The following MYO1C variants were observed in gnomAD, a reference collection of about 807,000 sequenced individuals.
MYO1C encodes the protein unconventional myosin-Ic.
In MYO1C, 104 loss-of-function variants were observed where a neutral mutation model predicts 150.8. The ratio of observed to expected loss-of-function variants is 0.69; its 90% CI spans 0.59 to 0.81. MYO1C has a LOEUF of 0.81. Ranked by LOEUF, MYO1C falls within the 30% of genes least tolerant of loss-of-function variation. The probability of loss-of-function intolerance (pLI) is 0.00; values close to 1 mark genes in which losing one functional copy is unlikely to be tolerated. For synonymous variants in MYO1C, 663 were observed against 579.9 expected (o/e 1.14, Z -2.06); for missense variants, 1,504 against 1,435.0 (o/e 1.05, Z -0.78).
chr17:1,477,063 T>G (rs564820435), intron 14 of MYO1C, among the ~76,000 whole-genome samples: 1 of 152,032 alleles, frequency 6.6e-6, no homozygotes, highest in African/African-American at 2.4e-5. Flanking sequence ...CGTTTTGAAC[T>G]CCTAACCTAA....
In MYO1C at chr17:1,478,587, C is replaced by G; in HGVS notation, c.1212+29G>C. On this transcript the variant is annotated intron_variant, in intron 10 of 31. Transcript: ENST00000648651. The surrounding 1 kb of genome is among the most constrained non-coding windows in gnomAD (Gnocchi z 6.3). ...CCTCGCCGACGGCCCTCCCTTCTGC[C>G]TTGGGAGCAGTGTGGACCGAGCCCT... The G allele has an allele frequency of 6.2e-7, 1 of 1,614,016 alleles. No individual in the cohort carries two copies. Among genetic ancestry groups the G allele is most frequent in the East Asian group, 2.2e-5 (1 of 44,878 alleles).
chr17:1,480,462 CA>C lies in MYO1C; in HGVS notation c.906+64del, dbSNP rs534880243. ...AAACTCCGTCTCAAAAAATAAAAAA[CA>C]AAAAAAAAAGGAGATTTTGGGGGTG... On this transcript the variant is annotated intron_variant, in intron 7 of 31. Coordinates refer to ENST00000648651, the MANE Select transcript of MYO1C (RefSeq NM_001080779.2). 7.2e-3 allele frequency: 8,711 copies of C among 1,203,416 alleles called. 17 individuals carry two copies. The highest frequency in any genetic ancestry group is 0.039 in the Middle Eastern group (184 of 4,712). 74.5% of individuals were successfully genotyped at this position (1,203,416 alleles called of 1,614,324 possible). A position where few individuals can be genotyped will look rare whatever the true frequency, so the allele number is the denominator to read the frequency against.
chr17:1,467,788 C>T, intron 29 of MYO1C, 52 bp downstream of exon 29: 1 of 678,008 alleles, frequency 1.5e-6, no homozygotes, highest in Non-Finnish European at 2.6e-6. Flanking sequence ...ACCCCACCTC[C>T]CCATCTACCT....
chr17:1,474,640 G>A lies in MYO1C; in HGVS notation c.1767C>T (p.Ser589=), dbSNP rs200937421. ...CTGGCCGCTTCTTGTCACTGAGCTC[G>A]CTCCGGTCAAAGCACTGGCTCATAA... The part of the protein sequence containing the change: ...NPIMSQCFDR[S]ELSDKKRPET... The change falls in exon 17 of 32, where the codon AGC becomes AGT. Residue 589 remains serine, a synonymous_variant. Transcript: ENST00000648651. 44 of 1,613,930 alleles carry A rather than the reference G, an allele frequency of 2.7e-5. No individual in the cohort carries two copies. In the East Asian group the frequency reaches 6.0e-4, roughly 22 times the overall value.
At chr17:1,491,654 G>A (rs1438351660) in intron 1 of MYO1C, 2 of 980,678 alleles carry the variant, frequency 2.0e-6, no homozygotes, top group Non-Finnish European at 2.4e-6. Flanking sequence ...GGCGGGCTTG[G>A]GGATCCGCGG....
In MYO1C at chr17:1,480,632, G is replaced by A. The variant is rs2074501111; in HGVS notation, c.808-7C>T. The A allele has an allele frequency of 6.2e-7, 1 of 1,613,786 alleles. No homozygotes were observed. The highest frequency in any genetic ancestry group is 1.7e-5 in the Admixed American group (1 of 59,990). ...AGACTTTGGCACACTGGCCCTGGAG[G>A]AAGGGCACAGCTGGGTTGCCAGCCC... On this transcript the variant is annotated splice_polypyrimidine_tract_variant and splice_region_variant and intron_variant, in intron 6 of 31. Transcript: ENST00000648651.
intron 24 of MYO1C, 62 bp from the exon 25 acceptor site, chr17:1,469,676 G>C (rs7502466): frequency 1.5e-6 from 2 of 1,324,264 alleles, no homozygotes; most frequent in Admixed American, 1.9e-5. Flanking sequence ...TGAAGACATC[G>C]AACATATGCT....
At chr17:1,482,695 CTT>C (rs2074550647) in intron 4 of MYO1C, 137 bp from the exon 5 acceptor site, 1 of 408,970 alleles carries the variant, frequency 2.4e-6, no homozygotes, top group East Asian at 9.6e-5. Flanking sequence ...CCGCACTGGG[CTT>C]CTCTCCCTGC....
In MYO1C at chr17:1,478,499, C is replaced by A. The variant is rs1053403226; in HGVS notation, c.1213-7G>T. On this transcript the variant is annotated splice_region_variant and splice_polypyrimidine_tract_variant and intron_variant, in intron 10 of 31. Coordinates refer to ENST00000648651, the MANE Select transcript of MYO1C (RefSeq NM_001080779.2). The surrounding 1 kb of genome is among the most constrained non-coding windows in gnomAD (Gnocchi z 6.3). ...AGCTGGGGCTCTCCACGTCCTAGGG[C>A]AGTCATTCAACCGAAGGCGTGGGCC... 5 of 1,614,126 alleles carry A rather than the reference C, an allele frequency of 3.1e-6. No individual in the cohort carries two copies. The highest frequency in any genetic ancestry group is 4.2e-6 in the Non-Finnish European group (5 of 1,180,026).
rs781691128 is a variant in MYO1C at position 1,482,578 on chromosome 17, T to A, written c.547-20A>T. On this transcript the variant is annotated intron_variant, in intron 4 of 31. Coordinates refer to ENST00000648651, the MANE Select transcript of MYO1C (RefSeq NM_001080779.2). ...AAAGGCCTAGGAGTGGACAGGGGTA[T>A]GAGGGACACCTGGCACTCTCCCCCT... is the stretch of plus-strand genomic sequence containing the variant. The A allele has an allele frequency of 6.2e-7, 1 of 1,606,608 alleles. No individual in the cohort carries two copies. Among genetic ancestry groups the A allele is most frequent in the East Asian group, 2.2e-5 (1 of 44,818 alleles).
At chr17:1,485,878 G>T (rs2074646244) in intron 1 of MYO1C, 1 of 224,918 alleles carries the variant, frequency 4.4e-6, no homozygotes, top group Non-Finnish European at 7.5e-6. Context: ...GCGCGGCCGG[G>T]CTGGGGTCCC....
chr17:1,485,791 G>A lies in MYO1C; in HGVS notation c.76-1488C>T, dbSNP rs1011491388. 3.8e-5 allele frequency: 34 copies of A among 889,676 alleles called. No individual in the cohort carries two copies. In the African/African-American group the frequency reaches 6.0e-4, roughly 16 times the overall value. 55.1% of individuals were successfully genotyped at this position (889,676 alleles called of 1,614,324 possible). The stretch of plus-strand genomic sequence containing the variant: ...CGGCGGCGGTGGCGGCGGCGTCAGC[G>A]AGGGAGGGCCCGCCCCCCGCACCGC... On this transcript the variant is annotated intron_variant, in intron 1 of 31. Coordinates refer to ENST00000648651, the MANE Select transcript of MYO1C (RefSeq NM_001080779.2).
chr17:1,483,277 G>A (rs1398347615), intron 3 of MYO1C, among the ~76,000 whole-genome samples: 1 of 152,074 alleles, frequency 6.6e-6, no homozygotes, highest in Non-Finnish European at 1.5e-5. Flanking sequence ...CTCACAGGTG[G>A]GAGGCTGGAG....
chr17:1,480,932 A>G (rs1180132318), intron 5 of MYO1C, 47 bp from the exon 6 acceptor site: 14 of 1,599,906 alleles, frequency 8.8e-6, no homozygotes, highest in Non-Finnish European at 1.2e-5. Flanking sequence ...GACTGGGAAA[A>G]GAGCCCACCT....
chr17:1,467,855 C>A lies in MYO1C; in HGVS notation c.2952G>T (p.Ala984=). The change falls in exon 29 of 32, where the codon GCG becomes GCT. Residue 984 remains alanine, a synonymous_variant. Transcript: ENST00000648651. ...DSLFVLHVQR[A]DNKQKGDVVL... is the part of the protein sequence containing the mutation. ...GAAAAGGCACCTTTTGCTTATTGTC[C>A]GCACGCTGTACATGAAGCACAAAAA... The A allele has an allele frequency of 6.2e-7, 1 of 1,602,368 alleles. No individual in the cohort carries two copies. Among genetic ancestry groups the A allele is most frequent in the South Asian group, 1.1e-5 (1 of 90,538 alleles).
In MYO1C at chr17:1,468,035, A is replaced by T; in HGVS notation, c.2849T>A (p.Val950Glu). 1 of 1,612,998 alleles carries T rather than the reference A, an allele frequency of 6.2e-7. No homozygotes were observed. The highest frequency in any genetic ancestry group is 1.7e-5 in the Admixed American group (1 of 59,886). The change falls in exon 28 of 32, where the codon GTG becomes GAG. Residue 950 changes from valine (V) to glutamate (E), a missense_variant. Coordinates refer to ENST00000648651, the MANE Select transcript of MYO1C (RefSeq NM_001080779.2). ...CCTCTGCTTGACTTTGGCGTCCTCCACGATGACGACGGCGTTGGGCGTGAG... is the reference window on the plus strand; with the variant it reads ...CCTCTGCTTGACTTTGGCGTCCTCCTCGATGACGACGGCGTTGGGCGTGAG... The part of the protein sequence containing the change: ...LLLTPNAVVI[V>E]EDAKVKQRID...
At position 1,480,612 on chromosome 17, in the gene MYO1C, T is replaced by C; in HGVS notation, c.821A>G (p.Lys274Arg). 1 of 1,614,116 alleles carries C rather than the reference T, an allele frequency of 6.2e-7. No individual in the cohort carries two copies. The highest frequency in any genetic ancestry group is 8.5e-7 in the Non-Finnish European group (1 of 1,180,012). Residue 274 changes from lysine (K) to arginine (R), a missense_variant, in exon 7 of 32, where the codon AAA becomes AGA. Physicochemically the swap from Lys to Arg is conservative, Grantham distance 26. Transcript: ENST00000648651. ...YLYLVKGQCA[K>R]VSSINDKSDW... The stretch of plus-strand genomic sequence containing the variant: ...ACTCTTGTCGTTGATGGAGGAGACT[T>C]TGGCACACTGGCCCTGGAGGAAGGG...
chr17:1,478,178 C>G lies in MYO1C; in HGVS notation c.1310G>C (p.Cys437Ser). ...VFQHNSFEQF[C>S]INYCNEKLQQ... Reference sequence around the variant, plus strand: ...CAGCTTCTCGTTGCAGTAATTGATGCAGAACTGCTCAAAGCTGTAAGGAAG... The same window carrying G: ...CAGCTTCTCGTTGCAGTAATTGATGGAGAACTGCTCAAAGCTGTAAGGAAG... The change falls in exon 12 of 32, where the codon TGC (cysteine) becomes TCC (serine). Residue 437 changes from cysteine to serine, a missense_variant. Coordinates refer to ENST00000648651, the MANE Select transcript of MYO1C (RefSeq NM_001080779.2). This position sits in a 1 kb window ranked among gnomAD's most constrained non-coding sequence, Gnocchi z 6.3. The G allele has an allele frequency of 2.5e-6, 4 of 1,613,726 alleles. No homozygotes were observed. Among genetic ancestry groups the G allele is most frequent in the Non-Finnish European group, 3.4e-6 (4 of 1,179,966 alleles).
chr17:1,469,410 G>A (rs2074251486), intron 25 of MYO1C, 121 bp downstream of exon 25: 1 of 976,204 alleles, frequency 1.0e-6, no homozygotes, highest in South Asian at 1.4e-5. Context: ...GGGTAAATAC[G>A]GTAGAACGCG....
Sources: gnomAD v4.1 joint callset for allele counts (sites outside exome capture counted in the v4.1 genomes callset) on GRCh38, gnomAD v4.1.1 for gene constraint, Gnocchi (gnomAD v3.1) non-coding constraint, MANE v1.5 for transcripts, NCBI Gene and HGNC (gene_info 2026-07-23, HGNC 2026-07-21) for gene names.